Variants in KCNMA1 observed in about 807,000 individuals in gnomAD.
KCNMA1 encodes the protein Calcium-activated potassium channel subunit alpha-1.
In KCNMA1, 29 loss-of-function variants were observed where a neutral mutation model predicts 140.0. The observed-to-expected ratio is 0.21, with a 90% CI of 0.15 to 0.28. KCNMA1 has a LOEUF of 0.28. KCNMA1 is among the 10% of genes least tolerant of loss of function. KCNMA1 has a pLI of 1.00. For missense variants in KCNMA1, 880 were observed against 1,602.2 expected (o/e 0.55, Z 7.70); for synonymous variants, 612 against 611.9 (o/e 1.00, Z 0.00).
At chr10:77,104,732 T>C (rs779395100) in intron 9 of KCNMA1, among the ~76,000 whole-genome samples, 4 of 152,192 alleles carry the variant, frequency 2.6e-5, no homozygotes, top group Non-Finnish European at 4.4e-5. Flanking sequence ...CCATGTGACC[T>C]TGGACCACGA....
chr10:77,184,062 T>TCACA (rs3068684), intron 4 of KCNMA1, among the ~76,000 whole-genome samples: 2,276 of 147,958 alleles, frequency 0.015, 36 homozygotes, highest in African/African-American at 0.036. Context: ...ATGTACGCAT[T>TCACA]CACACACACA....
intron 5 of KCNMA1, among the ~76,000 whole-genome samples, chr10:77,173,658 C>A (rs78364238): frequency 0.012 from 1,829 of 152,228 alleles, 33 homozygotes; most frequent in African/African-American, 0.042. Flanking sequence ...GGAAATCATA[C>A]TTTTTCTTTT....
At chr10:77,306,855 A>G (rs976277306) in intron 2 of KCNMA1, among the ~76,000 whole-genome samples, 1 of 152,198 alleles carries the variant, frequency 6.6e-6, no homozygotes, top group East Asian at 1.9e-4. Context: ...AGGGCAGGGC[A>G]TTTAGGAGGT....
chr10:77,634,324 A>G, intron 1 of KCNMA1: 1 of 985,442 alleles, frequency 1.0e-6, no homozygotes, highest in Non-Finnish European at 1.2e-6. Context: ...GGAAATTGTA[A>G]TGTTTTCTTC....
At chr10:77,616,273 A>G (rs966360062) in intron 1 of KCNMA1, among the ~76,000 whole-genome samples, 1 of 152,232 alleles carries the variant, frequency 6.6e-6, no homozygotes, top group African/African-American at 2.4e-5. Flanking sequence ...TGGATGGACT[A>G]GAGTGGAGAC....
intron 13 of KCNMA1, among the ~76,000 whole-genome samples, chr10:77,078,566 T>G (rs1244509996): frequency 2.0e-5 from 3 of 152,380 alleles, no homozygotes; most frequent in African/African-American, 4.8e-5. Context: ...CTGCAAATTC[T>G]CATCTCGACT....
chr10:76,988,149 G>C (rs1427220484), intron 19 of KCNMA1, among the ~76,000 whole-genome samples: 1 of 152,174 alleles, frequency 6.6e-6, no homozygotes, highest in Non-Finnish European at 1.5e-5. Flanking sequence ...TTTCAAATGT[G>C]CATATTGATA....
chr10:77,429,988 C>G lies in KCNMA1; in HGVS notation c.379-25965G>C, dbSNP rs542973011. 3.9e-5 allele frequency among the ~76,000 whole-genome samples: 6 copies of G among 152,194 alleles called. No individual in the cohort carries two copies. The East Asian group carries it at 1.2e-3, about 29-fold the overall frequency. On this transcript the variant is annotated intron_variant, in intron 1 of 27. Transcript: ENST00000286628. ...TACACAAATGATTTAGATTAATCCT[C>G]AAGAAGATACAAGATACAAGAAACC...
At chr10:77,589,501 T>C (rs578166306) in intron 1 of KCNMA1, among the ~76,000 whole-genome samples, 1 of 152,194 alleles carries the variant, frequency 6.6e-6, no homozygotes, top group South Asian at 2.1e-4. Flanking sequence ...GGAATAAAAA[T>C]TCCTAAATGA....
chr10:77,507,693 CCCCTGAGCT>C, intron 1 of KCNMA1, among the ~76,000 whole-genome samples: 1 of 152,290 alleles, frequency 6.6e-6, no homozygotes, highest in South Asian at 2.1e-4. Flanking sequence ...TTCTCTGCAT[CCCCTGAGCT>C]CCCTCTTGAA....
chr10:77,217,500 T>G, intron 3 of KCNMA1: 1 of 456,676 alleles, frequency 2.2e-6, no homozygotes, highest in Non-Finnish European at 4.4e-6. Context: ...GAGAATATTC[T>G]TGGCCACCCT....
chr10:77,430,164 C>A (rs1223096616), intron 1 of KCNMA1, among the ~76,000 whole-genome samples: 1 of 152,188 alleles, frequency 6.6e-6, no homozygotes, highest in Non-Finnish European at 1.5e-5. Context: ...GAGAGAAGGT[C>A]ACCTATCTCC....
intron 3 of KCNMA1, among the ~76,000 whole-genome samples, chr10:77,189,031 GT>G (rs2154134894): frequency 6.6e-6 from 1 of 152,230 alleles, no homozygotes; most frequent in East Asian, 1.9e-4. Flanking sequence ...CAGGGTAGTG[GT>G]TCTCAAACTT....
intron 3 of KCNMA1, among the ~76,000 whole-genome samples, chr10:77,192,614 G>A (rs1189886301): frequency 6.6e-6 from 1 of 152,108 alleles, no homozygotes; most frequent in East Asian, 1.9e-4. Context: ...AATTCCCAAC[G>A]TTGTTCTAAG....
chr10:77,333,817 G>A (rs993281931), intron 2 of KCNMA1, among the ~76,000 whole-genome samples: 2 of 152,314 alleles, frequency 1.3e-5, no homozygotes, highest in East Asian at 3.9e-4. Flanking sequence ...CTTTAGAAAC[G>A]ATGTGAGTGT....
At chr10:77,050,110 G>A (rs909075718) in intron 14 of KCNMA1, among the ~76,000 whole-genome samples, 1 of 152,004 alleles carries the variant, frequency 6.6e-6, no homozygotes, top group Non-Finnish European at 1.5e-5. Flanking sequence ...TCTTCCCCAT[G>A]TGACTCAGCC....
intron 23 of KCNMA1, among the ~76,000 whole-genome samples, chr10:76,930,879 A>C: frequency 6.6e-6 from 1 of 152,250 alleles, no homozygotes; most frequent in Non-Finnish European, 1.5e-5. Flanking sequence ...AAGTGAAATA[A>C]GCCAGTTATA....
chr10:77,463,278 G>C (rs1035190769), intron 1 of KCNMA1, among the ~76,000 whole-genome samples: 2 of 152,298 alleles, frequency 1.3e-5, no homozygotes, highest in South Asian at 4.1e-4. Context: ...CAGTGGGAAG[G>C]TGAAGGGCTT....
intron 9 of KCNMA1, chr10:77,091,742 T>C (rs2096823639): frequency 6.6e-6 from 1 of 152,220 alleles, no homozygotes; most frequent in African/African-American, 2.4e-5. Flanking sequence ...TCTGTGCACA[T>C]TCCACTAAGG....
Sources: allele counts gnomAD v4.1 joint callset (sites outside exome capture counted in the v4.1 genomes callset), GRCh38; gene constraint gnomAD v4.1.1; transcripts MANE v1.5; gene names NCBI Gene and HGNC (gene_info 2026-07-23, HGNC 2026-07-21).